PHKB: variants seen among roughly 807,000 people sequenced by gnomAD.
PHKB encodes phosphorylase b kinase regulatory subunit beta.
Under a neutral mutation model 152.1 loss-of-function variants are expected in PHKB, and 122 were observed. The ratio of observed to expected loss-of-function variants is 0.80; its 90% CI spans 0.69 to 0.93. The LOEUF is 0.93. Ranked by LOEUF, PHKB falls within the 40% of genes least tolerant of loss-of-function variation. PHKB has a pLI of 0.00. For missense variants in PHKB, 1,304 were observed against 1,328.4 expected, an observed-to-expected ratio of 0.98 and a Z score of 0.29; for synonymous variants, 436 against 464.9, an observed-to-expected ratio of 0.94 and a Z score of 0.80.
chr16:47,655,133 A>G (rs1320545526), intron 20 of PHKB, among the ~76,000 whole-genome samples: 1 of 152,174 alleles, frequency 6.6e-6, no homozygotes, highest in Non-Finnish European at 1.5e-5. Context: ...GGCAGAGGAT[A>G]GGTAAACTCA....
chr16:47,608,736 T>C (rs1360830319), intron 13 of PHKB, among the ~76,000 whole-genome samples: 1 of 152,184 alleles, frequency 6.6e-6, no homozygotes, highest in East Asian at 1.9e-4. Context: ...CTCTCCCTAC[T>C]GAATTGTTTT....
At chr16:47,461,609 G>A (rs1479750146) in intron 1 of PHKB, among the ~76,000 whole-genome samples, 183 bp downstream of exon 1, 1 of 152,224 alleles carries the variant, frequency 6.6e-6, no homozygotes, top group African/African-American at 2.4e-5. Flanking sequence ...AAAATTAGGT[G>A]GCAGAGCCAG....
At chr16:47,574,343 C>T (rs1363191155) in intron 7 of PHKB, among the ~76,000 whole-genome samples, 1 of 152,222 alleles carries the variant, frequency 6.6e-6, no homozygotes, top group Non-Finnish European at 1.5e-5. Flanking sequence ...CCCGCTTTCA[C>T]ACCCTGGAGA....
intron 6 of PHKB, among the ~76,000 whole-genome samples, chr16:47,543,177 C>T (rs914502748): frequency 6.6e-6 from 1 of 152,260 alleles, no homozygotes; most frequent in South Asian, 2.1e-4. Flanking sequence ...TACATTCCAT[C>T]AATACCTAGT....
intron 27 of PHKB, among the ~76,000 whole-genome samples, chr16:47,689,547 A>T (rs1974024492): frequency 6.6e-6 from 1 of 152,288 alleles, no homozygotes; most frequent in South Asian, 2.1e-4. Flanking sequence ...GTTTGGTAAC[A>T]TTATTTAAAT....
intron 1 of PHKB, chr16:47,462,053 G>C (rs1969573282): frequency 6.6e-6 from 1 of 152,434 alleles, no homozygotes; most frequent in African/African-American, 2.4e-5. Flanking sequence ...AAGCATAGAG[G>C]TCAGAAGGTG....
intron 1 of PHKB, among the ~76,000 whole-genome samples, chr16:47,490,837 C>G (rs1019119458): frequency 6.6e-6 from 1 of 152,144 alleles, no homozygotes; most frequent in Non-Finnish European, 1.5e-5. Context: ...AGAGAAACCA[C>G]ATAATAACCC....
chr16:47,561,994 A>G (rs1373729384), intron 7 of PHKB: 2 of 152,148 alleles, frequency 1.3e-5, no homozygotes, highest in East Asian at 1.9e-4. Flanking sequence ...CATTCTCACA[A>G]ACATCTGTGA....
At chr16:47,466,124 A>G (rs753893878) in intron 1 of PHKB, among the ~76,000 whole-genome samples, 6 of 151,956 alleles carry the variant, frequency 3.9e-5, no homozygotes, top group African/African-American at 7.3e-5. Flanking sequence ...CTGTGTGTGC[A>G]TACTTGAGTT....
intron 7 of PHKB, among the ~76,000 whole-genome samples, chr16:47,571,745 C>T (rs1010127997): frequency 3.3e-5 from 5 of 152,158 alleles, no homozygotes; most frequent in Admixed American, 6.5e-5. Context: ...TCACAAGTAC[C>T]GGGGCTCCTC....
chr16:47,517,457 A>C (rs1337743689), intron 6 of PHKB, among the ~76,000 whole-genome samples: 1 of 151,836 alleles, frequency 6.6e-6, no homozygotes, highest in Non-Finnish European at 1.5e-5. Flanking sequence ...TGGGTTTACC[A>C]TGTTGCCCAG....
At chr16:47,639,780 G>A (rs1017930882) in intron 14 of PHKB, among the ~76,000 whole-genome samples, 7 of 152,072 alleles carry the variant, frequency 4.6e-5, no homozygotes, top group Admixed American at 2.6e-4. Context: ...CAACTGTCCT[G>A]AAGATTGTAC....
intron 26 of PHKB, among the ~76,000 whole-genome samples, chr16:47,682,632 C>T (rs1410592992): frequency 6.6e-6 from 1 of 152,214 alleles, no homozygotes; most frequent in Non-Finnish European, 1.5e-5. Flanking sequence ...TTAAGGACTT[C>T]TCTGCGTTGG....
chr16:47,639,648 CCT>C (rs1392824942), intron 14 of PHKB, among the ~76,000 whole-genome samples: 1 of 152,164 alleles, frequency 6.6e-6, no homozygotes, highest in African/African-American at 2.4e-5. Context: ...CCTAAACAGG[CCT>C]ATGATTCAAA....
intron 7 of PHKB, among the ~76,000 whole-genome samples, chr16:47,577,286 G>T (rs778471487): frequency 2.0e-5 from 3 of 152,012 alleles, no homozygotes; most frequent in Non-Finnish European, 4.4e-5. Flanking sequence ...TTTCATTTAT[G>T]TCTTATTACC....
intron 7 of PHKB, among the ~76,000 whole-genome samples, chr16:47,576,640 C>CTG (rs1971754259): frequency 6.6e-6 from 1 of 152,180 alleles, no homozygotes; most frequent in South Asian, 2.1e-4. Context: ...TTTTGCAACT[C>CTG]TGGCGCATAC....
chr16:47,546,372 G>C (rs1567300766), intron 6 of PHKB, among the ~76,000 whole-genome samples: 1 of 152,132 alleles, frequency 6.6e-6, no homozygotes, highest in Admixed American at 6.6e-5. Context: ...GGGGTTTGCT[G>C]GAGGTCCACT....
In PHKB at chr16:47,491,195, T is replaced by C. The variant is rs1214662126; in HGVS notation, c.77-6204T>C. ...ACTCCTTCCAGCATAAGTAAGGGTGTGGTTAATTCTATATGTCTATAAGGG... is the reference window on the plus strand; with the variant it reads ...ACTCCTTCCAGCATAAGTAAGGGTGCGGTTAATTCTATATGTCTATAAGGG... On this transcript the variant is annotated intron_variant, in intron 1 of 30. Transcript: ENST00000323584. Among the ~76,000 whole-genome samples, 5 of 152,128 alleles carry C rather than the reference T, an allele frequency of 3.3e-5. No homozygotes were observed. In the South Asian group the frequency reaches 1.0e-3, roughly 32 times the overall value.
chr16:47,618,851 T>G lies in PHKB; in HGVS notation c.1458+7931T>G, dbSNP rs1193198462. Among the ~76,000 whole-genome samples, 10 of 152,346 alleles carry G rather than the reference T, an allele frequency of 6.6e-5. No individual in the cohort carries two copies. The South Asian group carries it at 2.1e-3, about 32-fold the overall frequency. On this transcript the variant is annotated intron_variant, in intron 14 of 30. Coordinates refer to ENST00000323584, the MANE Select transcript of PHKB (RefSeq NM_000293.3). Reference sequence around the variant, plus strand: ...CTGTGCCATTAAGACTGATTTCTTTTGCATACTTTGTGTTACAACACTTGT... The same window carrying G: ...CTGTGCCATTAAGACTGATTTCTTTGGCATACTTTGTGTTACAACACTTGT...
Sources: allele counts gnomAD v4.1 joint callset (sites outside exome capture counted in the v4.1 genomes callset), GRCh38; gene constraint gnomAD v4.1.1; transcripts MANE v1.5; gene names NCBI Gene and HGNC (gene_info 2026-07-23, HGNC 2026-07-21).